NXF1: variants seen among roughly 807,000 people sequenced by gnomAD.
NXF1 encodes nuclear RNA export factor 1.
In NXF1, 43 loss-of-function variants were observed where a neutral mutation model predicts 92.4. The observed-to-expected ratio is 0.47, with a 90% CI of 0.36 to 0.60. The LOEUF is 0.60. Among genes scored for constraint, NXF1 ranks in the 20% least tolerant of loss-of-function variants. The pLI is 0.00. For missense variants in NXF1, 576 were observed against 793.0 expected, an observed-to-expected ratio of 0.73 and a Z score of 3.29; for synonymous variants, 288 against 292.2, an observed-to-expected ratio of 0.99 and a Z score of 0.15.
Position 62,805,323 on chromosome 11 carries a change from A to G in NXF1, c.28+6T>C. 6.2e-7 allele frequency: 1 copy of G among 1,609,684 alleles called. No individual in the cohort carries two copies. The highest frequency in any genetic ancestry group is 8.5e-7 in the Non-Finnish European group (1 of 1,178,186). ...GCCAGTTCCCGACCCGAAGACCAGCACTTACCGCTGTACGACTTCCCCTCG... is the reference window on the plus strand; with the variant it reads ...GCCAGTTCCCGACCCGAAGACCAGCGCTTACCGCTGTACGACTTCCCCTCG... On this transcript the variant is annotated splice_donor_region_variant and intron_variant, in intron 1 of 20. Coordinates refer to ENST00000294172, the MANE Select transcript of NXF1 (RefSeq NM_006362.5).
chr11:62,796,511 T>A lies in NXF1; in HGVS notation c.1235A>T (p.Asp412Val). ...DRQGLLDAYH[D>V]GACCSLSIPF... ...AATGCTCAGGGAACAGCAGGCCCCA[T>A]CATGGTAGGCATCCAGGAGCCCTTG... The change falls in exon 14 of 21, where the codon GAT (aspartate) becomes GTT (valine). Residue 412 changes from aspartate (D) to valine (V), a missense_variant. By Grantham distance (152) the Asp-to-Val change is radical. Transcript: ENST00000294172. The A allele has an allele frequency of 6.2e-7, 1 of 1,614,108 alleles. No individual in the cohort carries two copies. The highest frequency in any genetic ancestry group is 1.3e-5 in the African/African-American group (1 of 75,008).
At position 62,803,539 on chromosome 11, in the gene NXF1, A is replaced by G. The variant is rs970632262; in HGVS notation, c.249T>C (p.Gly83=). 3 of 1,613,972 alleles carry G rather than the reference A, an allele frequency of 1.9e-6. No homozygotes were observed. In the Admixed American group the frequency reaches 5.0e-5, roughly 27 times the overall value. ...TGCGATCTCGATCATGCCAAGTATC[A>G]CCCCGACGGTTAGGTCGGGTGGTAT... ...NPYTTRPNRR[G]DTWHDRDRIH... The change falls in exon 3 of 21, where the codon GGT becomes GGC. Residue 83 remains glycine (G), a synonymous_variant. Transcript: ENST00000294172.
intron 10 of NXF1, chr11:62,798,902 C>G: frequency 2.7e-6 from 3 of 1,127,970 alleles, no homozygotes; most frequent in Non-Finnish European, 3.3e-6. Flanking sequence ...TGTGCAGCCC[C>G]GGGAGGAGGG....
chr11:62,795,033 T>G, intron 17 of NXF1, 26 bp from the exon 18 acceptor site: 1 of 1,605,526 alleles, frequency 6.2e-7, no homozygotes. Context: ...CAACAACACC[T>G]TAGGGTCACT....
chr11:62,797,066 CAAAAAA>C, intron 13 of NXF1, 111 bp downstream of exon 13: 1 of 611,698 alleles, frequency 1.6e-6, no homozygotes, highest in Non-Finnish European at 2.5e-6. Context: ...AGACACTGTC[CAAAAAA>C]AAAAAAAAAA....
Position 62,804,524 on chromosome 11 carries a change from T to G in NXF1, c.29-546A>C, listed in dbSNP as rs1005996369. Among the ~76,000 whole-genome samples the G allele has an allele frequency of 1.3e-4, 20 of 152,138 alleles. 5 individuals are homozygous for G. The highest frequency in any genetic ancestry group is 1.2e-3 in the Admixed American group (19 of 15,268). The stretch of plus-strand genomic sequence containing the variant: ...TGCTTAACCAGGGACCCTGGAATGC[T>G]CTCCAGGAAGATGACCTTCTGATTC... On this transcript the variant is annotated intron_variant, in intron 1 of 20. Transcript: ENST00000294172.
Position 62,802,062 on chromosome 11 carries a change from G to A in NXF1, c.454-16C>T. 6.2e-7 allele frequency: 1 copy of A among 1,612,818 alleles called. No individual in the cohort carries two copies. The highest frequency in any genetic ancestry group is 8.5e-7 in the Non-Finnish European group (1 of 1,178,768). On this transcript the variant is annotated splice_polypyrimidine_tract_variant and intron_variant, in intron 4 of 20. Coordinates refer to ENST00000294172, the MANE Select transcript of NXF1 (RefSeq NM_006362.5). ...CATAGTGAAACTACAAGAGGAAACA[G>A]GAGCATTACACTGGGAGTCCAGAGC...
At position 62,792,462 on chromosome 11, in the gene NXF1, A is replaced by T. The variant is rs752363594; in HGVS notation, c.*14T>A. ...CTATTTACAGGGGGGACTGCTTCTG[A>T]GGCATGACTACGATCACTTCATGAA... On this transcript the variant is annotated 3_prime_UTR_variant, in exon 21 of 21. Coordinates refer to ENST00000294172, the MANE Select transcript of NXF1 (RefSeq NM_006362.5). The T allele has an allele frequency of 6.2e-7, 1 of 1,614,128 alleles. No individual in the cohort carries two copies. Among genetic ancestry groups the T allele is most frequent in the South Asian group, 1.1e-5 (1 of 91,082 alleles).
intron 9 of NXF1, among the ~76,000 whole-genome samples, 197 bp from the exon 10 acceptor site, chr11:62,800,683 G>A (rs1460891244): frequency 4.6e-5 from 7 of 150,886 alleles, no homozygotes; most frequent in African/African-American, 1.7e-4. Flanking sequence ...GTTCACTGCA[G>A]CCTCAAACTC....
rs1309054236 is a variant in NXF1 at position 62,801,109 on chromosome 11, GT to G, written c.890del (p.Asn297ThrfsTer7). ...CAATTCTCACTTCATTTCCAGAAAG[GT>G]TTAGGATCTTCAGGTTGGGTGCCTT... The part of the protein sequence containing the change: ...VQKAPNLKIL[N>X]LSGNELKSER... On this transcript the variant is annotated frameshift_variant, in exon 9 of 21. Coordinates refer to ENST00000294172, the MANE Select transcript of NXF1 (RefSeq NM_006362.5). 6.2e-7 allele frequency: 1 copy of G among 1,613,690 alleles called. No individual in the cohort carries two copies.
intron 19 of NXF1, among the ~76,000 whole-genome samples, chr11:62,793,030 T>C (rs1268973861): frequency 6.6e-6 from 1 of 152,134 alleles, no homozygotes; most frequent in Non-Finnish European, 1.5e-5. Flanking sequence ...TTATGTTAAT[T>C]TATACACAGG....
chr11:62,794,964 T>C lies in NXF1; in HGVS notation c.1548A>G (p.Thr516=), dbSNP rs774412727. The change falls in exon 18 of 21, where the codon ACA becomes ACG. Residue 516 remains threonine, a synonymous_variant. Coordinates refer to ENST00000294172, the MANE Select transcript of NXF1 (RefSeq NM_006362.5). ...SRDSLRAFTR[T]FIAVPASNSG... ...AATTGCTAGCAGGAACAGCAATGAA[T>C]GTCCGGGTGAAGGCTCGCAAAGAAT... 6.2e-7 allele frequency: 1 copy of C among 1,614,086 alleles called. No homozygotes were observed. Among genetic ancestry groups the C allele is most frequent in the African/African-American group, 1.3e-5 (1 of 74,932 alleles).
Position 62,792,306 on chromosome 11 carries a change from TCTG to T in NXF1, c.*167_*169del. The stretch of plus-strand genomic sequence containing the variant: ...TCCTGGCACCAGTGAGGCTCAATCT[TCTG>T]AAGTCTTCCAGAAGGCAGGCGAGGA... On this transcript the variant is annotated 3_prime_UTR_variant, in exon 21 of 21. Coordinates refer to ENST00000294172, the MANE Select transcript of NXF1 (RefSeq NM_006362.5). 1 of 836,016 alleles carries T rather than the reference TCTG, an allele frequency of 1.2e-6. No homozygotes were observed. Among genetic ancestry groups the T allele is most frequent in the South Asian group, 1.5e-5 (1 of 67,060 alleles). 51.8% of individuals were successfully genotyped at this position (836,016 alleles called of 1,614,324 possible). A position where few individuals can be genotyped will look rare whatever the true frequency, so the allele number is the denominator to read the frequency against.
At chr11:62,793,562 A>G (rs1288051599) in intron 19 of NXF1, among the ~76,000 whole-genome samples, 2 of 152,196 alleles carry the variant, frequency 1.3e-5, no homozygotes, top group Non-Finnish European at 2.9e-5. Context: ...CTGTAGTCCC[A>G]GCTACTCAGG....
chr11:62,792,785 T>C, intron 19 of NXF1, 84 bp from the exon 20 acceptor site: 1 of 1,281,728 alleles, frequency 7.8e-7, no homozygotes, highest in East Asian at 2.3e-5. Context: ...GCACCCAAGT[T>C]TGCCAACAAA....
At position 62,803,919 on chromosome 11, in the gene NXF1, G is replaced by T; in HGVS notation, c.88C>A (p.Arg30=). 1 of 1,614,114 alleles carries T rather than the reference G, an allele frequency of 6.2e-7. No homozygotes were observed. Among genetic ancestry groups the T allele is most frequent in the Non-Finnish European group, 8.5e-7 (1 of 1,180,016 alleles). Residue 30 remains arginine (R), a synonymous_variant, in exon 2 of 21, where the codon CGG becomes AGG. Coordinates refer to ENST00000294172, the MANE Select transcript of NXF1 (RefSeq NM_006362.5). ...CGGTTTCCTTCACCATATTTCCACC[G>T]GAAGGGACCCCGGCCTTTCTTCTTT... ...QRKKKGRGPF[R]WKYGEGNRRS...
chr11:62,799,362 T>C (rs778245562), intron 10 of NXF1: 6 of 985,778 alleles, frequency 6.1e-6, no homozygotes, highest in Non-Finnish European at 7.2e-6. Flanking sequence ...GTCTGCTACC[T>C]GGGTCCCGAT....
In NXF1 at chr11:62,796,378, A is replaced by G. The variant is rs752294481; in HGVS notation, c.1287-33T>C. On this transcript the variant is annotated intron_variant, in intron 14 of 20. Transcript: ENST00000294172. ...AATAAAAGGAATGGACGTGGTGTTC[A>G]GAGCAGTGCTGCCAGCAGGTGTGCC... 8 of 1,613,870 alleles carry G rather than the reference A, an allele frequency of 5.0e-6. No individual in the cohort carries two copies. In the Admixed American group the frequency reaches 1.2e-4, roughly 24 times the overall value.
intron 17 of NXF1, chr11:62,795,392 C>A (rs912804041): frequency 4.9e-6 from 1 of 203,902 alleles, no homozygotes; most frequent in Non-Finnish European, 1.0e-5. Flanking sequence ...AGGAGAACCA[C>A]TTGAACCCAG....
Sources: gnomAD v4.1 joint callset for allele counts (sites outside exome capture counted in the v4.1 genomes callset) on GRCh38, gnomAD v4.1.1 for gene constraint, MANE v1.5 for transcripts, NCBI Gene and HGNC (gene_info 2026-07-23, HGNC 2026-07-21) for gene names.